Variants in SNX29 observed in about 807,000 individuals in gnomAD.
The protein encoded by SNX29 is sorting nexin 29, also known as sorting nexin-29.
In SNX29, 78 loss-of-function variants were observed where a neutral mutation model predicts 102.1. That is an observed-to-expected ratio of 0.76 (90% CI 0.64 to 0.92). The LOEUF is 0.92. Among genes scored for constraint, SNX29 ranks in the 40% least tolerant of loss-of-function variants. The pLI is 0.00. For missense variants in SNX29, 1,280 were observed against 1,061.7 expected (o/e 1.21, Z -2.86); for synonymous variants, 580 against 414.5 (o/e 1.40, Z -4.85).
At chr16:12,549,603 C>G (rs1054203796) in intron 20 of SNX29, among the ~76,000 whole-genome samples, 1 of 152,200 alleles carries the variant, frequency 6.6e-6, no homozygotes, top group African/African-American at 2.4e-5. Flanking sequence ...TTTTTCTACT[C>G]CAGAGTCCTT....
At position 12,278,128 on chromosome 16, in the gene SNX29, G is replaced by A. The variant is rs1015079121; in HGVS notation, c.1782+92G>A. ...GGTCCAGCCTATTCTAAAGACACGT[G>A]AGCAAAACGACCAAGCAACTCCTCA... On this transcript the variant is annotated intron_variant, in intron 15 of 20. Coordinates refer to ENST00000566228, the MANE Select transcript of SNX29 (RefSeq NM_032167.5). The A allele has an allele frequency of 5.4e-6, 6 of 1,104,834 alleles. No individual in the cohort carries two copies. The African/African-American group carries it at 6.3e-5, about 12-fold the overall frequency. 68.4% of individuals were successfully genotyped at this position (1,104,834 alleles called of 1,614,324 possible).
intron 16 of SNX29, among the ~76,000 whole-genome samples, chr16:12,385,294 C>A (rs7201716): frequency 6.6e-5 from 10 of 152,340 alleles, no homozygotes; most frequent in South Asian, 2.1e-4. Context: ...GACAGACCCA[C>A]GTCTGGGGAC....
intron 11 of SNX29, among the ~76,000 whole-genome samples, chr16:12,119,846 T>C (rs930167052): frequency 6.6e-6 from 1 of 152,234 alleles, no homozygotes; most frequent in Non-Finnish European, 1.5e-5. Context: ...ACAGCAAGTG[T>C]AATCATGCTT....
chr16:12,454,782 T>C (rs7199892), intron 18 of SNX29, among the ~76,000 whole-genome samples: 103,950 of 151,550 alleles, frequency 0.69, 36,553 homozygotes, highest in African/African-American at 0.84. Flanking sequence ...TGCAGTGGCG[T>C]GATCTCGGCT....
intron 18 of SNX29, among the ~76,000 whole-genome samples, chr16:12,465,192 C>T (rs1214093550): frequency 6.6e-6 from 1 of 152,102 alleles, no homozygotes. Context: ...TTTGTTGTTT[C>T]CTTTGCTGCA....
intron 19 of SNX29, among the ~76,000 whole-genome samples, chr16:12,493,083 C>G (rs1369516458): frequency 6.6e-6 from 1 of 152,146 alleles, no homozygotes; most frequent in Non-Finnish European, 1.5e-5. Context: ...TCATTGGTAG[C>G]TTGATGGGGA....
rs549393962 is a variant in SNX29, at chr16:12,545,868, G to C, written c.2318+21027G>C. ...AGATCACCTCTCCTTGAGAGGGTGA[G>C]CCTAAGCCGTGGGCATTGGGGTGGG... On this transcript the variant is annotated intron_variant, in intron 20 of 20. Coordinates refer to ENST00000566228, the MANE Select transcript of SNX29 (RefSeq NM_032167.5). Among the ~76,000 whole-genome samples, 56 of 152,286 alleles carry C rather than the reference G, an allele frequency of 3.7e-4. No homozygotes were observed. The South Asian group carries it at 0.012, about 32-fold the overall frequency.
intron 4 of SNX29, among the ~76,000 whole-genome samples, chr16:12,028,215 C>T (rs2057246013): frequency 1.3e-5 from 2 of 152,134 alleles, no homozygotes; most frequent in South Asian, 2.1e-4. Flanking sequence ...GGCTGGTTCC[C>T]CTTTCACAGC....
intron 4 of SNX29, among the ~76,000 whole-genome samples, chr16:12,034,075 T>C (rs2057411790): frequency 6.6e-6 from 1 of 152,212 alleles, no homozygotes; most frequent in Non-Finnish European, 1.5e-5. Context: ...GCGGTGGTAA[T>C]ATACCCATAA....
intron 20 of SNX29, among the ~76,000 whole-genome samples, chr16:12,546,951 C>T (rs974054475): frequency 1.3e-5 from 2 of 152,160 alleles, no homozygotes; most frequent in Non-Finnish European, 2.9e-5. Flanking sequence ...ATAAATTCCC[C>T]ACCCCTCCAT....
At chr16:12,508,589 GC>G (rs2151911738) in intron 19 of SNX29, among the ~76,000 whole-genome samples, 1 of 152,332 alleles carries the variant, frequency 6.6e-6, no homozygotes, top group East Asian at 1.9e-4. Context: ...GACAGAGCTG[GC>G]CCTGCGAGCT....
At chr16:12,350,788 A>G (rs1020475176) in intron 15 of SNX29, among the ~76,000 whole-genome samples, 3 of 152,186 alleles carry the variant, frequency 2.0e-5, no homozygotes, top group African/African-American at 7.2e-5. Flanking sequence ...CGTGGGCTTT[A>G]AAAAGTACTT....
At chr16:12,102,250 A>G (rs913086605) in intron 11 of SNX29, among the ~76,000 whole-genome samples, 3 of 152,196 alleles carry the variant, frequency 2.0e-5, no homozygotes, top group Admixed American at 6.5e-5. Flanking sequence ...TCTTTATAGT[A>G]GCATGATTTA....
intron 18 of SNX29, among the ~76,000 whole-genome samples, chr16:12,409,527 C>T (rs996895801): frequency 2.0e-5 from 3 of 147,898 alleles, no homozygotes; most frequent in Non-Finnish European, 4.4e-5. Flanking sequence ...CTCCCGGGTT[C>T]ATGCCATTCT....
intron 18 of SNX29, among the ~76,000 whole-genome samples, chr16:12,471,321 T>G (rs938961070): frequency 1.3e-5 from 2 of 152,226 alleles, no homozygotes; most frequent in African/African-American, 4.8e-5. Context: ...GTTAGATGTT[T>G]TAGTACGTGT....
Position 12,560,483 on chromosome 16 carries a change from T to C in SNX29, c.2319-8023T>C, listed in dbSNP as rs566440980. On this transcript the variant is annotated intron_variant, in intron 20 of 20. Coordinates refer to ENST00000566228, the MANE Select transcript of SNX29 (RefSeq NM_032167.5). ...TTCTTGCCTGGGAGTCACACTTACCTCCTGCTTTTCTGGGCACGCCTGTCC... is the reference window on the plus strand; with the variant it reads ...TTCTTGCCTGGGAGTCACACTTACCCCCTGCTTTTCTGGGCACGCCTGTCC... Among the ~76,000 whole-genome samples the C allele has an allele frequency of 2.0e-5, 3 of 152,276 alleles. No homozygotes were observed. The East Asian group carries it at 5.8e-4, about 29-fold the overall frequency.
chr16:12,068,701 C>G (rs1010606715), intron 9 of SNX29, among the ~76,000 whole-genome samples: 1 of 152,218 alleles, frequency 6.6e-6, no homozygotes, highest in Middle Eastern at 3.4e-3. Context: ...TGCACCAACA[C>G]GCCCAGCTAA....
At chr16:12,155,276 A>G (rs570499762) in intron 13 of SNX29, among the ~76,000 whole-genome samples, 1 of 152,368 alleles carries the variant, frequency 6.6e-6, no homozygotes, top group Non-Finnish European at 1.5e-5. Context: ...GAGTGTGCTC[A>G]GGTATATTCT....
intron 11 of SNX29, among the ~76,000 whole-genome samples, chr16:12,120,358 A>T (rs1253118707): frequency 6.6e-6 from 1 of 152,234 alleles, no homozygotes; most frequent in Non-Finnish European, 1.5e-5. Flanking sequence ...TTGGAAAAAG[A>T]TGCTATATAA....
Sources: gnomAD v4.1 joint callset for allele counts (sites outside exome capture counted in the v4.1 genomes callset) on GRCh38, gnomAD v4.1.1 for gene constraint, MANE v1.5 for transcripts, NCBI Gene and HGNC (gene_info 2026-07-23, HGNC 2026-07-21) for gene names.